The following HS3ST2 variants were observed in gnomAD, a reference collection of about 807,000 sequenced individuals.
HS3ST2 encodes the protein heparan sulfate-glucosamine 3-sulfotransferase 2, also known as heparan sulfate glucosamine 3-O-sulfotransferase 2.
In HS3ST2, 17 loss-of-function variants were observed where a neutral mutation model predicts 26.3. The observed-to-expected ratio is 0.65, with a 90% CI of 0.44 to 0.97. HS3ST2 has a LOEUF of 0.97. HS3ST2 is among the 50% of genes least tolerant of loss of function. The probability of loss-of-function intolerance (pLI) is 0.00; values close to 1 mark genes in which losing one functional copy is unlikely to be tolerated. For missense variants in HS3ST2, 402 were observed against 501.2 expected, an observed-to-expected ratio of 0.80 and a Z score of 1.89; for synonymous variants, 237 against 219.2, an observed-to-expected ratio of 1.08 and a Z score of -0.72.
At position 22,893,040 on chromosome 16, in the gene HS3ST2, C is replaced by T. The variant is rs182770904; in HGVS notation, c.486-21904C>T. Among the ~76,000 whole-genome samples the T allele has an allele frequency of 3.3e-5, 5 of 152,304 alleles. No individual in the cohort carries two copies. The East Asian group carries it at 9.6e-4, about 29-fold the overall frequency. On this transcript the variant is annotated intron_variant, in intron 1 of 1. Transcript: ENST00000261374. ...ATTGAGTTGTCTACACATTATAGAA[C>T]AATATTAAATATTAATTGTGTTAGG...
chr16:22,825,315 A>T (rs1450055623), intron 1 of HS3ST2, among the ~76,000 whole-genome samples: 1 of 152,222 alleles, frequency 6.6e-6, no homozygotes, highest in African/African-American at 2.4e-5. Flanking sequence ...AGAGGTATTA[A>T]AAGCCTGTTA....
At chr16:22,820,581 G>A (rs537278781) in intron 1 of HS3ST2, among the ~76,000 whole-genome samples, 15 of 152,244 alleles carry the variant, frequency 9.9e-5, no homozygotes, top group Admixed American at 1.3e-4. Flanking sequence ...GGGAAACTCC[G>A]TAAAAAGCCA....
intron 1 of HS3ST2, among the ~76,000 whole-genome samples, chr16:22,823,405 G>A (rs1213950193): frequency 1.3e-5 from 2 of 152,208 alleles, no homozygotes; most frequent in Non-Finnish European, 2.9e-5. Context: ...GTGGTATTTA[G>A]TAAGTCTGTG....
At chr16:22,866,308 CAAGCACGT>C (rs1295530842) in intron 1 of HS3ST2, among the ~76,000 whole-genome samples, 2 of 150,654 alleles carry the variant, frequency 1.3e-5, no homozygotes, top group East Asian at 4.0e-4. Flanking sequence ...AGAATTCGCG[CAAGCACGT>C]GCGCGCGCGC....
chr16:22,901,471 A>G (rs1346914791), intron 1 of HS3ST2, among the ~76,000 whole-genome samples: 1 of 152,162 alleles, frequency 6.6e-6, no homozygotes, highest in African/African-American at 2.4e-5. Flanking sequence ...CCTACACGAG[A>G]TTCAAATGCA....
chr16:22,856,251 T>C (rs902437617), intron 1 of HS3ST2, among the ~76,000 whole-genome samples: 1 of 152,180 alleles, frequency 6.6e-6, no homozygotes. Context: ...TAGATTTGCA[T>C]AACTTTTACC....
At chr16:22,901,478 T>C (rs1232196974) in intron 1 of HS3ST2, among the ~76,000 whole-genome samples, 1 of 152,026 alleles carries the variant, frequency 6.6e-6, no homozygotes, top group Non-Finnish European at 1.5e-5. Flanking sequence ...GAGATTCAAA[T>C]GCACATTAAA....
At chr16:22,913,966 A>C (rs933346042) in intron 1 of HS3ST2, among the ~76,000 whole-genome samples, 3 of 152,142 alleles carry the variant, frequency 2.0e-5, no homozygotes, top group Non-Finnish European at 4.4e-5. Context: ...GTGAGACCCC[A>C]TCTCTACAAA....
At chr16:22,824,554 G>GCAAGCAAACAAA (rs1555511545) in intron 1 of HS3ST2, among the ~76,000 whole-genome samples, 1 of 151,980 alleles carries the variant, frequency 6.6e-6, no homozygotes, top group African/African-American at 2.4e-5. Flanking sequence ...CAAAAAGCAA[G>GCAAGCAAACAAA]CAAACAAACA....
At chr16:22,914,572 G>GCA (rs1023267652) in intron 1 of HS3ST2, among the ~76,000 whole-genome samples, 110 of 151,482 alleles carry the variant, frequency 7.3e-4, no homozygotes, top group Non-Finnish European at 1.1e-3. Context: ...AGGCATGATG[G>GCA]CACACACCTG....
intron 1 of HS3ST2, among the ~76,000 whole-genome samples, chr16:22,914,011 GC>G (rs1381494844): frequency 2.0e-5 from 3 of 152,060 alleles, no homozygotes; most frequent in Non-Finnish European, 2.9e-5. Flanking sequence ...GGTGGCATGA[GC>G]CTGTAGTCCC....
At chr16:22,888,308 C>T (rs916720458) in intron 1 of HS3ST2, among the ~76,000 whole-genome samples, 2 of 151,832 alleles carry the variant, frequency 1.3e-5, no homozygotes, top group African/African-American at 4.8e-5. Flanking sequence ...TTATGCCCAC[C>T]TTTTACTAAG....
chr16:22,913,293 C>G (rs554494176), intron 1 of HS3ST2, among the ~76,000 whole-genome samples: 1 of 151,958 alleles, frequency 6.6e-6, no homozygotes, highest in African/African-American at 2.4e-5. Context: ...GGTTGGGAAC[C>G]AGGGATGCTC....
At chr16:22,866,072 G>A (rs1166006791) in intron 1 of HS3ST2, among the ~76,000 whole-genome samples, 1 of 152,138 alleles carries the variant, frequency 6.6e-6, no homozygotes, top group Non-Finnish European at 1.5e-5. Context: ...CTTACATTAT[G>A]TTTAAGGCAG....
intron 1 of HS3ST2, among the ~76,000 whole-genome samples, chr16:22,914,165 C>G (rs1490277527): frequency 6.6e-6 from 1 of 151,804 alleles, no homozygotes; most frequent in Admixed American, 6.6e-5. Flanking sequence ...AAGCAATTCT[C>G]ATTTATCCCT....
chr16:22,842,992 A>G (rs900149895), intron 1 of HS3ST2, among the ~76,000 whole-genome samples: 2 of 152,086 alleles, frequency 1.3e-5, no homozygotes, highest in Admixed American at 6.6e-5. Context: ...TACTTATTTT[A>G]TAGTTTCTTT....
intron 1 of HS3ST2, among the ~76,000 whole-genome samples, chr16:22,889,401 T>G (rs527786476): frequency 6.6e-6 from 1 of 152,304 alleles, no homozygotes; most frequent in African/African-American, 2.4e-5. Flanking sequence ...ACAAAAGCCC[T>G]GTAAGAAATA....
At chr16:22,839,072 T>C (rs1226356565) in intron 1 of HS3ST2, among the ~76,000 whole-genome samples, 2 of 152,180 alleles carry the variant, frequency 1.3e-5, no homozygotes, top group African/African-American at 4.8e-5. Context: ...CCCTGTAAAC[T>C]CTCTCCTTCA....
At chr16:22,844,831 A>G (rs1901407685) in intron 1 of HS3ST2, among the ~76,000 whole-genome samples, 1 of 151,706 alleles carries the variant, frequency 6.6e-6, no homozygotes, top group African/African-American at 2.4e-5. Flanking sequence ...CAGAACTGTG[A>G]GACAGTTAAA....
Sources: allele counts gnomAD v4.1 joint callset (sites outside exome capture counted in the v4.1 genomes callset), GRCh38; gene constraint gnomAD v4.1.1; transcripts MANE v1.5; gene names NCBI Gene and HGNC (gene_info 2026-07-23, HGNC 2026-07-21).